Variants in GREB1L observed in about 807,000 individuals in gnomAD.
The protein encoded by GREB1L is GREB1-like protein.
Under a neutral mutation model 200.8 loss-of-function variants are expected in GREB1L, and 17 were observed. The observed-to-expected ratio is 0.08, with a 90% CI of 0.06 to 0.13. The LOEUF is 0.13. Among genes scored for constraint, GREB1L ranks in the 10% least tolerant of loss-of-function variants. The pLI is 1.00. For synonymous variants in GREB1L, 789 were observed against 893.0 expected (o/e 0.88, Z 2.08); for missense variants, 1,657 against 2,367.7 (o/e 0.70, Z 6.23).
chr18:21,415,516 A>G (rs2031541786), intron 7 of GREB1L, among the ~76,000 whole-genome samples: 1 of 152,048 alleles, frequency 6.6e-6, no homozygotes, highest in African/African-American at 2.4e-5. Flanking sequence ...GAGGGAGGGA[A>G]GGAAGGACAC....
chr18:21,361,308 T>A (rs2039576964), intron 1 of GREB1L, among the ~76,000 whole-genome samples: 1 of 152,242 alleles, frequency 6.6e-6, no homozygotes, highest in Non-Finnish European at 1.5e-5. Flanking sequence ...TTTGCCATGC[T>A]CTGAGTACTC....
At chr18:21,334,949 C>T (rs898057110) in intron 1 of GREB1L, among the ~76,000 whole-genome samples, 16 of 152,138 alleles carry the variant, frequency 1.1e-4, no homozygotes, top group Admixed American at 2.6e-4. Flanking sequence ...AAATGTTTCT[C>T]TCTTTGTCTT....
chr18:21,401,064 A>G, intron 5 of GREB1L, 86 bp from the exon 6 acceptor site: 2 of 1,120,128 alleles, frequency 1.8e-6, no homozygotes, highest in East Asian at 2.6e-5. Context: ...GGGTCAAAGA[A>G]TGTGAATGTT....
intron 7 of GREB1L, among the ~76,000 whole-genome samples, chr18:21,429,926 G>T (rs906640935): frequency 2.0e-5 from 3 of 152,142 alleles, no homozygotes; most frequent in African/African-American, 7.2e-5. Context: ...CTGGACACCT[G>T]GAAGTCCAAG....
intron 16 of GREB1L, among the ~76,000 whole-genome samples, chr18:21,474,326 C>G (rs1307414226): frequency 6.6e-6 from 1 of 152,138 alleles, no homozygotes; most frequent in Non-Finnish European, 1.5e-5. Flanking sequence ...TAAATACAGC[C>G]ATTACAAATG....
rs35409162 is a variant in GREB1L at position 21,438,666 on chromosome 18, C to CA, written c.833-845dup. Among the ~76,000 whole-genome samples the CA allele has an allele frequency of 9.1e-4, 131 of 143,610 alleles. 1 individual carries two copies. The highest frequency in any genetic ancestry group is 1.2e-3 in the African/African-American group (45 of 39,088). The allele number at this position is 143,610 out of a possible 152,430, so 94.2% of individuals were successfully genotyped here. ...CCTGGGTGACAGTGAGACCTTGTCTCAAAAAAAAAAGGCCTGGCACGGTGG... is the reference window on the plus strand; with the variant it reads ...CCTGGGTGACAGTGAGACCTTGTCTCAAAAAAAAAAAGGCCTGGCACGGTGG... On this transcript the variant is annotated intron_variant, in intron 7 of 32. Transcript: ENST00000424526.
Position 21,515,454 on chromosome 18 carries a change from T to C in GREB1L, c.4939T>C (p.Ser1647Pro), listed in dbSNP as rs1201761633. 2.3e-5 allele frequency: 35 copies of C among 1,551,540 alleles called. No homozygotes were observed. The highest frequency in any genetic ancestry group is 3.1e-5 in the Non-Finnish European group (35 of 1,146,960). ...AGTAGGAGTTTCCAGTAAGAATGTG[T>C]CCTTGAAGACTGTCTTGCAGCACAT... ...MEVGVSSKNV[S>P]LKTVLQHIEA... is the part of the protein sequence containing the mutation. Residue 1647 changes from serine (S) to proline (P), a missense_variant, in exon 29 of 33, where the codon TCC (serine) becomes CCC (proline). Physicochemically the swap from Ser to Pro is moderately conservative, Grantham distance 74. This residue lies in a region of GREB1L where 151 missense variants were observed against 309.6 expected (regional missense o/e 0.49). Coordinates refer to ENST00000424526, the MANE Select transcript of GREB1L (RefSeq NM_001142966.3).
rs538337580 is a variant in GREB1L, at chr18:21,277,892, A to G, written c.-120+35499A>G. 3.9e-5 allele frequency among the ~76,000 whole-genome samples: 6 copies of G among 152,306 alleles called. No individual in the cohort carries two copies. In the East Asian group the frequency reaches 9.6e-4, roughly 24 times the overall value. On this transcript the variant is annotated intron_variant, in intron 1 of 32. Coordinates refer to ENST00000424526, the MANE Select transcript of GREB1L (RefSeq NM_001142966.3). ...AGTGTCCGGTACATTGAGTCTGCTC[A>G]ATGAATGTGTGAGAGAATGGAAGTA...
intron 17 of GREB1L, among the ~76,000 whole-genome samples, chr18:21,479,969 G>A (rs1598904612): frequency 6.6e-6 from 1 of 152,232 alleles, no homozygotes; most frequent in East Asian, 1.9e-4. Flanking sequence ...TCAAACTCTT[G>A]GCCTCAAGCA....
chr18:21,386,650 C>T (rs2040555104), intron 4 of GREB1L, among the ~76,000 whole-genome samples: 1 of 144,776 alleles, frequency 6.9e-6, no homozygotes, highest in Admixed American at 7.1e-5. Context: ...ACTACAGGCG[C>T]CCGCTAACAT....
intron 16 of GREB1L, among the ~76,000 whole-genome samples, chr18:21,476,811 T>C (rs1417010989): frequency 6.6e-6 from 1 of 151,986 alleles, no homozygotes; most frequent in Non-Finnish European, 1.5e-5. Context: ...ACTCCTGACC[T>C]CAGGTGGTCC....
intron 15 of GREB1L, among the ~76,000 whole-genome samples, chr18:21,472,699 G>A (rs963403951): frequency 3.9e-5 from 6 of 152,096 alleles, no homozygotes; most frequent in African/African-American, 1.4e-4. Context: ...CAGGTGGCCT[G>A]TTGAAGCCAT....
intron 1 of GREB1L, among the ~76,000 whole-genome samples, chr18:21,246,265 T>C (rs1567906558): frequency 6.6e-6 from 1 of 152,212 alleles, no homozygotes; most frequent in Non-Finnish European, 1.5e-5. Context: ...AATAGTTCTT[T>C]AAAGTTAAGA....
intron 7 of GREB1L, among the ~76,000 whole-genome samples, chr18:21,408,126 A>G (rs1185281758): frequency 1.4e-5 from 2 of 147,026 alleles, no homozygotes; most frequent in Non-Finnish European, 3.1e-5. Context: ...AATGTTCCCA[A>G]TACACACACA....
At chr18:21,292,636 A>C (rs1236160884) in intron 1 of GREB1L, among the ~76,000 whole-genome samples, 1 of 152,114 alleles carries the variant, frequency 6.6e-6, no homozygotes, top group Non-Finnish European at 1.5e-5. Context: ...GGCGTCTTTC[A>C]CTTAGCCTGA....
chr18:21,371,263 C>T (rs1046316123), intron 2 of GREB1L, among the ~76,000 whole-genome samples: 2 of 151,902 alleles, frequency 1.3e-5, no homozygotes, highest in African/African-American at 4.8e-5. Flanking sequence ...TTCTTGGTGT[C>T]AAAGGTCATC....
intron 1 of GREB1L, among the ~76,000 whole-genome samples, chr18:21,243,276 A>G (rs1442780723): frequency 6.6e-6 from 1 of 152,128 alleles, no homozygotes; most frequent in Non-Finnish European, 1.5e-5. Flanking sequence ...ACATGAGTCC[A>G]AGGAACGTCC....
intron 7 of GREB1L, 97 bp downstream of exon 7, chr18:21,404,091 T>C: frequency 9.3e-7 from 1 of 1,075,918 alleles, no homozygotes; most frequent in Non-Finnish European, 1.3e-6. Context: ...TGAATAGAGA[T>C]ATTTCAAAAT....
chr18:21,344,403 AAAC>A lies in GREB1L; in HGVS notation c.-119-21593_-119-21591del, dbSNP rs146104394. ...GCGACAGAGCAAAACTCTGTCTCAAAAACAACAACAACAACAACAACAACAACA... is the reference window on the plus strand; with the variant it reads ...GCGACAGAGCAAAACTCTGTCTCAAAAACAACAACAACAACAACAACAACA... On this transcript the variant is annotated intron_variant, in intron 1 of 32. Coordinates refer to ENST00000424526, the MANE Select transcript of GREB1L (RefSeq NM_001142966.3). Among the ~76,000 whole-genome samples the A allele has an allele frequency of 8.6e-4, 130 of 150,322 alleles. 1 individual carries two copies. The highest frequency in any genetic ancestry group is 6.9e-3 in the East Asian group (35 of 5,074).
Sources: allele counts gnomAD v4.1 joint callset (sites outside exome capture counted in the v4.1 genomes callset), GRCh38; gene constraint gnomAD v4.1.1; regional missense constraint gnomAD v4.1.1; transcripts MANE v1.5; gene names NCBI Gene and HGNC (gene_info 2026-07-23, HGNC 2026-07-21).